PRDM1: variants seen among roughly 807,000 people sequenced by gnomAD.
The protein encoded by PRDM1 is PR domain zinc finger protein 1.
Under a neutral mutation model 62.8 loss-of-function variants are expected in PRDM1, and 13 were observed. The observed-to-expected ratio is 0.21, with a 90% CI of 0.13 to 0.33. PRDM1 has a LOEUF of 0.33. PRDM1 is among the 10% of genes least tolerant of loss of function. PRDM1 has a pLI of 1.00. For missense variants in PRDM1, 895 were observed against 1,058.8 expected, an observed-to-expected ratio of 0.85 and a Z score of 2.15; for synonymous variants, 396 against 417.6, an observed-to-expected ratio of 0.95 and a Z score of 0.63.
intron 4 of PRDM1, among the ~76,000 whole-genome samples, chr6:106,101,992 TCTAA>T (rs1554204668): frequency 2.6e-5 from 4 of 152,228 alleles, no homozygotes; most frequent in Non-Finnish European, 4.4e-5. Flanking sequence ...TTTCTATCTA[TCTAA>T]CTAACCCATC....
intron 1 of PRDM1, among the ~76,000 whole-genome samples, chr6:106,075,416 G>A (rs1773590749): frequency 6.6e-6 from 1 of 152,134 alleles, no homozygotes; most frequent in Non-Finnish European, 1.5e-5. Context: ...TTATTCTGGT[G>A]ATCTATGGCA....
Position 106,106,249 on chromosome 6 carries a change from T to C in PRDM1, c.1774-122T>C, listed in dbSNP as rs1774484483. ...ATTCTGAAAACATGAAGATTTCTTC[T>C]TTTTAAGACTGTCTTGATGCTTTTC... On this transcript the variant is annotated intron_variant, in intron 5 of 6. Transcript: ENST00000369096. The surrounding 1 kb of genome is among the most constrained non-coding windows in gnomAD (Gnocchi z 4.4). 7.1e-7 allele frequency: 1 copy of C among 1,409,056 alleles called. No individual in the cohort carries two copies. Among genetic ancestry groups the C allele is most frequent in the Non-Finnish European group, 9.6e-7 (1 of 1,042,576 alleles). The allele number at this position is 1,409,056 out of a possible 1,614,324, so 87.3% of individuals were successfully genotyped here. A position where few individuals can be genotyped will look rare whatever the true frequency, so the allele number is the denominator to read the frequency against.
At chr6:106,052,747 T>A (rs1049806015) in intron 1 of PRDM1, among the ~76,000 whole-genome samples, 1 of 152,016 alleles carries the variant, frequency 6.6e-6, no homozygotes. Flanking sequence ...CCAAGGTAGA[T>A]GGATCACGAA....
chr6:106,034,182 T>C (rs1371127375), intron 1 of PRDM1, among the ~76,000 whole-genome samples: 1 of 152,084 alleles, frequency 6.6e-6, no homozygotes, highest in Non-Finnish European at 1.5e-5. Context: ...TGCCCCTTTT[T>C]TGGTTATCTT....
In PRDM1 at chr6:106,109,350, A is replaced by T. The variant is rs1774619492; in HGVS notation, c.*1864A>T. The T allele has an allele frequency of 4.3e-6, 1 of 233,026 alleles. No individual in the cohort carries two copies. The highest frequency in any genetic ancestry group is 2.2e-5 in the African/African-American group (1 of 45,332). 14.4% of individuals were successfully genotyped at this position (233,026 alleles called of 1,614,324 possible). A position where few individuals can be genotyped will look rare whatever the true frequency, so the allele number is the denominator to read the frequency against. On this transcript the variant is annotated 3_prime_UTR_variant, in exon 7 of 7. Transcript: ENST00000369096. Reference sequence around the variant, plus strand: ...GGTCACACCCAAGTCACAGAAATAAAAAACTGACTTTACCGCTGCAATTTT... The same window carrying T: ...GGTCACACCCAAGTCACAGAAATAATAAACTGACTTTACCGCTGCAATTTT...
intron 1 of PRDM1, among the ~76,000 whole-genome samples, chr6:106,059,439 C>G (rs896933765): frequency 6.6e-6 from 1 of 152,076 alleles, no homozygotes; most frequent in Non-Finnish European, 1.5e-5. Context: ...AAACAAAAAC[C>G]GTGTCTGGAG....
At chr6:106,032,265 C>T (rs968905336) in intron 1 of PRDM1, among the ~76,000 whole-genome samples, 2 of 152,040 alleles carry the variant, frequency 1.3e-5, no homozygotes, top group Admixed American at 1.3e-4. Flanking sequence ...CTTAAGCAAT[C>T]CTCCTGCCTA....
rs1774597909 is a variant in PRDM1, at chr6:106,108,881, A to G, written c.*1395A>G. The G allele has an allele frequency of 4.3e-6, 1 of 231,830 alleles. No homozygotes were observed. The highest frequency in any genetic ancestry group is 1.8e-4 in the South Asian group (1 of 5,504). 14.4% of individuals were successfully genotyped at this position (231,830 alleles called of 1,614,324 possible). On this transcript the variant is annotated 3_prime_UTR_variant, in exon 7 of 7. Coordinates refer to ENST00000369096, the MANE Select transcript of PRDM1 (RefSeq NM_001198.4). ...CTAATGATTTGCTTCTCTAGAGGAGAAACCGAGTAAATGTGCTCCAGCAAG... is the reference window on the plus strand; with the variant it reads ...CTAATGATTTGCTTCTCTAGAGGAGGAACCGAGTAAATGTGCTCCAGCAAG...
upstream of PRDM1, chr6:106,046,752 A>G (rs1213639824): frequency 6.6e-6 from 1 of 152,334 alleles, no homozygotes; most frequent in South Asian, 2.1e-4. Flanking sequence ...CAGCCCTTTC[A>G]GAGGTCCCGA....
intron 1 of PRDM1, among the ~76,000 whole-genome samples, chr6:106,057,723 A>AAATC (rs1773287206): frequency 6.6e-6 from 1 of 152,186 alleles, no homozygotes; most frequent in Non-Finnish European, 1.5e-5. Flanking sequence ...ACAGAACCAT[A>AAATC]AATCATCTTT....
chr6:106,074,920 T>A (rs372811022), intron 1 of PRDM1, among the ~76,000 whole-genome samples: 1 of 152,308 alleles, frequency 6.6e-6, no homozygotes, highest in East Asian at 1.9e-4. Context: ...ATTGCAGTGA[T>A]CCGAGGCCTT....
chr6:106,109,169 T>C lies in PRDM1; in HGVS notation c.*1683T>C, dbSNP rs1049034286. On this transcript the variant is annotated 3_prime_UTR_variant, in exon 7 of 7. Transcript: ENST00000369096. ...CTTGGTGACCTCACAATCACGTCGG[T>C]ATGATTGGGCACCCTTGCCTACTGT... 1.4e-5 allele frequency: 3 copies of C among 216,920 alleles called. No individual in the cohort carries two copies. Among genetic ancestry groups the C allele is most frequent in the Non-Finnish European group, 2.8e-5 (3 of 108,458 alleles). The allele number at this position is 216,920 out of a possible 1,614,324, so 13.4% of individuals were successfully genotyped here.
intron 1 of PRDM1, among the ~76,000 whole-genome samples, chr6:106,063,072 G>T (rs1388216120): frequency 6.6e-6 from 1 of 152,166 alleles, no homozygotes; most frequent in African/African-American, 2.4e-5. Flanking sequence ...GGGGCTTCCT[G>T]ACTGTGACCA....
At chr6:106,034,256 A>G (rs2038553020) in intron 1 of PRDM1, among the ~76,000 whole-genome samples, 1 of 150,294 alleles carries the variant, frequency 6.7e-6, no homozygotes, top group African/African-American at 2.5e-5. Flanking sequence ...TATTTTGTTT[A>G]TCTTTGCTCT....
At chr6:106,098,099 A>G (rs950303591) in intron 3 of PRDM1, 29 of 550,190 alleles carry the variant, frequency 5.3e-5, no homozygotes, top group South Asian at 7.9e-5. Flanking sequence ...GTAGACTAGC[A>G]TAGTCGGTAC....
At chr6:106,036,572 C>T (rs1363717498) in intron 1 of PRDM1, among the ~76,000 whole-genome samples, 1 of 152,150 alleles carries the variant, frequency 6.6e-6, no homozygotes, top group Non-Finnish European at 1.5e-5. Flanking sequence ...AAAACTACAT[C>T]TTTGTACATT....
chr6:106,058,302 CTTG>C (rs1378246569), intron 1 of PRDM1, among the ~76,000 whole-genome samples: 1 of 152,176 alleles, frequency 6.6e-6, no homozygotes, highest in Non-Finnish European at 1.5e-5. Flanking sequence ...CAACTTCTCA[CTTG>C]TTGTATCCTC....
rs1156812027 is a variant in PRDM1 at position 106,107,809 on chromosome 6, A to G, written c.*323A>G. On this transcript the variant is annotated 3_prime_UTR_variant, in exon 7 of 7. Coordinates refer to ENST00000369096, the MANE Select transcript of PRDM1 (RefSeq NM_001198.4). ...GCATAGCCTTCCCATTACTAAGACTATTACCTAGTCATAATTATTTTTTCA... is the reference window on the plus strand; with the variant it reads ...GCATAGCCTTCCCATTACTAAGACTGTTACCTAGTCATAATTATTTTTTCA... 2 of 231,154 alleles carry G rather than the reference A, an allele frequency of 8.7e-6. No individual in the cohort carries two copies. The highest frequency in any genetic ancestry group is 1.7e-5 in the Non-Finnish European group (2 of 116,882). The allele number at this position is 231,154 out of a possible 1,614,324, so 14.3% of individuals were successfully genotyped here. A position where few individuals can be genotyped will look rare whatever the true frequency, so the allele number is the denominator to read the frequency against.
chr6:106,040,405 G>A (rs927277723), intron 1 of PRDM1, among the ~76,000 whole-genome samples: 13 of 152,292 alleles, frequency 8.5e-5, no homozygotes, highest in East Asian at 5.8e-4. Context: ...CACCACCTCC[G>A]TCTATCTGCA....
Sources: allele counts gnomAD v4.1 joint callset (sites outside exome capture counted in the v4.1 genomes callset), GRCh38; gene constraint gnomAD v4.1.1; non-coding constraint Gnocchi (gnomAD v3.1); transcripts MANE v1.5; gene names NCBI Gene and HGNC (gene_info 2026-07-23, HGNC 2026-07-21).